SV2C: variants seen among roughly 807,000 people sequenced by gnomAD.
SV2C encodes synaptic vesicle glycoprotein 2C.
A neutral mutation model predicts 79.7 loss-of-function variants in SV2C; 49 were observed. The ratio of observed to expected loss-of-function variants is 0.61; its 90% CI spans 0.49 to 0.78. The LOEUF is 0.78. Ranked by LOEUF, SV2C falls within the 30% of genes least tolerant of loss-of-function variation. The probability of loss-of-function intolerance (pLI) is 0.00; values close to 1 mark genes in which losing one functional copy is unlikely to be tolerated. For missense variants in SV2C, 833 were observed against 912.9 expected (o/e 0.91, Z 1.13); for synonymous variants, 334 against 333.2 (o/e 1.00, Z -0.03).
chr5:76,009,564 G>A, the SV2C span, among the ~76,000 whole-genome samples: 1 of 152,162 alleles, frequency 6.6e-6, no homozygotes. Context: ...TATACACCAT[G>A]GAAAACTACA....
chr5:76,057,314 G>C, the SV2C span, among the ~76,000 whole-genome samples: 1 of 151,816 alleles, frequency 6.6e-6, no homozygotes, highest in African/African-American at 2.4e-5. Context: ...GTGCTATGTT[G>C]GTGTGCTGCA....
At chr5:76,120,650 G>C (rs1321948552) in intron 1 of SV2C, among the ~76,000 whole-genome samples, 2 of 149,552 alleles carry the variant, frequency 1.3e-5, no homozygotes, top group African/African-American at 2.5e-5. Flanking sequence ...AGTTTACTGA[G>C]AATGATGATT....
chr5:75,954,685 C>G, the SV2C span, among the ~76,000 whole-genome samples: 1 of 150,376 alleles, frequency 6.6e-6, no homozygotes, highest in Non-Finnish European at 1.5e-5. Context: ...TGATAAGCAA[C>G]TTCAGCAAAG....
At chr5:76,107,892 TC>T (rs1747974533) in intron 1 of SV2C, among the ~76,000 whole-genome samples, 1 of 152,222 alleles carries the variant, frequency 6.6e-6, no homozygotes, top group Non-Finnish European at 1.5e-5. Context: ...GAATTTATTT[TC>T]ATGAGGTTTT....
At chr5:76,241,151 T>C (rs1267930531) in intron 4 of SV2C, among the ~76,000 whole-genome samples, 1 of 151,416 alleles carries the variant, frequency 6.6e-6, no homozygotes, top group Non-Finnish European at 1.5e-5. Context: ...GAGACGGGGT[T>C]TCACCATGTT....
At chr5:76,298,003 A>G (rs1747836418) in intron 9 of SV2C, among the ~76,000 whole-genome samples, 1 of 152,134 alleles carries the variant, frequency 6.6e-6, no homozygotes, top group Admixed American at 6.5e-5. Flanking sequence ...ATCAATGCTG[A>G]TAAGGCCTGG....
chr5:75,879,135 G>A, the SV2C span, among the ~76,000 whole-genome samples: 1 of 152,112 alleles, frequency 6.6e-6, no homozygotes, highest in African/African-American at 2.4e-5. Flanking sequence ...CTCCCACAAG[G>A]CCCCACCTTC....
In SV2C at chr5:76,330,684, A is replaced by C. The variant is rs1464691743; in HGVS notation, c.*5137A>C. 2 of 152,114 alleles carry C rather than the reference A, an allele frequency of 1.3e-5. No homozygotes were observed. The highest frequency in any genetic ancestry group is 2.9e-5 in the Non-Finnish European group (2 of 68,044). The allele number at this position is 152,114 out of a possible 1,614,324, so 9.4% of individuals were successfully genotyped here. On this transcript the variant is annotated 3_prime_UTR_variant, in exon 13 of 13. Transcript: ENST00000502798. ...GATGAGAGGAGAAAGCTCCTTGATT[A>C]CCTGGTTTTTGTTGGAGAGACTATT... is the stretch of plus-strand genomic sequence containing the variant.
chr5:75,990,739 G>A, the SV2C span, among the ~76,000 whole-genome samples: 1 of 151,902 alleles, frequency 6.6e-6, no homozygotes, highest in Non-Finnish European at 1.5e-5. Context: ...CACCAACATG[G>A]CACATGTATA....
chr5:76,156,499 A>G, intron 2 of SV2C, among the ~76,000 whole-genome samples: 1 of 152,186 alleles, frequency 6.6e-6, no homozygotes, highest in East Asian at 1.9e-4. Flanking sequence ...AGATATGCCA[A>G]AAAACGGAAA....
chr5:76,346,054 T>A lies in SV2C; in HGVS notation c.2001-7076T>A, dbSNP rs541089300. Among the ~76,000 whole-genome samples the A allele has an allele frequency of 3.3e-5, 5 of 152,340 alleles. No homozygotes were observed. In the South Asian group the frequency reaches 1.0e-3, roughly 32 times the overall value. On this transcript the variant is annotated intron_variant, in intron 12 of 12. Transcript: ENST00000322285. ...GTATTTAACAACGATCTCTCCAGAT[T>A]TGTAGCGTTTGCAGATTTCCTTGGT...
At chr5:75,913,725 C>T in the SV2C span, among the ~76,000 whole-genome samples, 9 of 152,158 alleles carry the variant, frequency 5.9e-5, no homozygotes, top group Non-Finnish European at 4.4e-5. Context: ...GGTGAACCAT[C>T]TCTTGGCCCT....
At chr5:75,945,430 G>A in the SV2C span, among the ~76,000 whole-genome samples, 1 of 151,496 alleles carries the variant, frequency 6.6e-6, no homozygotes, top group Non-Finnish European at 1.5e-5. Flanking sequence ...TCCCACCTCA[G>A]CCTCCCAAGT....
chr5:75,873,500 T>A, the SV2C span, among the ~76,000 whole-genome samples: 24,749 of 152,138 alleles, frequency 0.16, 2,995 homozygotes, highest in African/African-American at 0.35. Context: ...TCTGGACATC[T>A]ATTTGGAAAT....
chr5:76,109,104 C>A (rs1748017662), intron 1 of SV2C, among the ~76,000 whole-genome samples: 1 of 152,150 alleles, frequency 6.6e-6, no homozygotes, highest in South Asian at 2.1e-4. Flanking sequence ...GGACTAATTT[C>A]CAAGCCTTAA....
the SV2C span, among the ~76,000 whole-genome samples, chr5:76,076,554 A>ATT: frequency 2.6e-5 from 4 of 151,188 alleles, no homozygotes; most frequent in African/African-American, 9.7e-5. Flanking sequence ...TATTTATGTG[A>ATT]TTTTTTTTTG....
chr5:76,055,060 T>C, the SV2C span, among the ~76,000 whole-genome samples: 1 of 152,350 alleles, frequency 6.6e-6, no homozygotes, highest in South Asian at 2.1e-4. Context: ...GTTTTCATCA[T>C]GAAGTCTTTG....
the SV2C span, among the ~76,000 whole-genome samples, chr5:75,960,024 TTTC>T: frequency 6.6e-6 from 1 of 151,980 alleles, no homozygotes; most frequent in Non-Finnish European, 1.5e-5. Flanking sequence ...GATATAAAAC[TTTC>T]TTAAGAGTGG....
intron 9 of SV2C, among the ~76,000 whole-genome samples, chr5:76,297,600 A>G (rs1323440380): frequency 2.6e-5 from 4 of 152,118 alleles, no homozygotes; most frequent in Admixed American, 2.0e-4. Context: ...CTTTTGGTGC[A>G]TTTAGATGTT....
Sources: gnomAD v4.1 joint callset for allele counts (sites outside exome capture counted in the v4.1 genomes callset) on GRCh38, gnomAD v4.1.1 for gene constraint, MANE v1.5 for transcripts, NCBI Gene and HGNC (gene_info 2026-07-23, HGNC 2026-07-21) for gene names.